The following GBP7 variants were observed in gnomAD, a reference collection of about 807,000 sequenced individuals.
The protein encoded by GBP7 is guanylate binding protein 7.
GBP7 carries 43 observed loss-of-function variants against 61.3 expected under a neutral mutation model. That is an observed-to-expected ratio of 0.70 (90% CI 0.55 to 0.91). The LOEUF (loss-of-function observed/expected upper bound fraction) is 0.91, where lower values mean the gene tolerates loss of function less well. GBP7 is among the 40% of genes least tolerant of loss of function. The pLI, the probability that GBP7 is intolerant of heterozygous loss-of-function variation, is 0.00. For synonymous variants in GBP7, 267 were observed against 271.0 expected, an observed-to-expected ratio of 0.99 and a Z score of 0.14; for missense variants, 717 against 740.5, an observed-to-expected ratio of 0.97 and a Z score of 0.37.
intron 7 of GBP7, among the ~76,000 whole-genome samples, chr1:89,149,079 C>T (rs1044691392): frequency 7.9e-5 from 12 of 151,970 alleles, no homozygotes; most frequent in African/African-American, 2.9e-4. Flanking sequence ...GTTAAATGTG[C>T]TACAATCATA....
intron 3 of GBP7, among the ~76,000 whole-genome samples, chr1:89,161,636 G>C (rs1570358668): frequency 6.6e-6 from 1 of 150,958 alleles, no homozygotes; most frequent in Non-Finnish European, 1.5e-5. Context: ...TTGTGTGTGT[G>C]AATTTGTTTA....
At chr1:89,156,228 A>G (rs1288502705) in intron 3 of GBP7, among the ~76,000 whole-genome samples, 2 of 152,250 alleles carry the variant, frequency 1.3e-5, no homozygotes, top group African/African-American at 2.4e-5. Flanking sequence ...AGGATCAGCC[A>G]GTATCAGCCA....
chr1:89,141,103 A>G (rs532671633), intron 9 of GBP7, among the ~76,000 whole-genome samples: 1 of 152,112 alleles, frequency 6.6e-6, no homozygotes, highest in East Asian at 1.9e-4. Context: ...TACTATGCTC[A>G]TTATCTGGGT....
intron 1 of GBP7, among the ~76,000 whole-genome samples, chr1:89,174,576 T>C (rs1375647224): frequency 2.6e-5 from 4 of 152,190 alleles, no homozygotes; most frequent in East Asian, 1.9e-4. Flanking sequence ...CTCTATACTT[T>C]GAAACATAGA....
intron 1 of GBP7, among the ~76,000 whole-genome samples, chr1:89,174,066 T>C (rs1361437948): frequency 2.0e-5 from 3 of 152,214 alleles, no homozygotes; most frequent in African/African-American, 4.8e-5. Flanking sequence ...CATCTGTTCA[T>C]AGAAAGCTTT....
At chr1:89,168,483 C>T (rs996271510) in intron 2 of GBP7, among the ~76,000 whole-genome samples, 5 of 152,068 alleles carry the variant, frequency 3.3e-5, no homozygotes, top group Non-Finnish European at 5.9e-5. Flanking sequence ...CAAAGCAAAA[C>T]GCAAACAAAA....
At chr1:89,150,676 G>T (rs185315517) in intron 5 of GBP7, 101 bp from the exon 6 acceptor site, 1 of 1,199,306 alleles carries the variant, frequency 8.3e-7, no homozygotes, top group Non-Finnish European at 1.2e-6. Context: ...ACAGTCTCTT[G>T]TGTCTGTGAA....
chr1:89,159,809 C>G (rs1682394982), intron 3 of GBP7, among the ~76,000 whole-genome samples: 1 of 152,186 alleles, frequency 6.6e-6, no homozygotes. Context: ...GTGGTGATTC[C>G]ACAAGGATCT....
chr1:89,152,550 T>C lies in GBP7; in HGVS notation c.429-86A>G. ...AACAAGTTTTATACACATTCCCTTT[T>C]GCACTGTTTCTCTTCTTACTCAACC... On this transcript the variant is annotated intron_variant, in intron 4 of 10. Coordinates refer to ENST00000294671, the MANE Select transcript of GBP7 (RefSeq NM_207398.3). 2.0e-6 allele frequency: 3 copies of C among 1,506,868 alleles called. No individual in the cohort carries two copies. The Admixed American group carries it at 5.3e-5, about 26-fold the overall frequency. 93.3% of individuals were successfully genotyped at this position (1,506,868 alleles called of 1,614,324 possible).
At chr1:89,160,675 A>T (rs1019401965) in intron 3 of GBP7, among the ~76,000 whole-genome samples, 5 of 152,244 alleles carry the variant, frequency 3.3e-5, no homozygotes, top group African/African-American at 1.2e-4. Context: ...AACTAAAATT[A>T]GAAATAGAGG....
intron 3 of GBP7, among the ~76,000 whole-genome samples, chr1:89,162,123 A>G (rs1217066775): frequency 1.3e-5 from 2 of 149,308 alleles, no homozygotes; most frequent in Non-Finnish European, 3.0e-5. Context: ...GTTCTGTTCC[A>G]TTGGTCTATG....
intron 9 of GBP7, among the ~76,000 whole-genome samples, chr1:89,140,704 A>G (rs1681919304): frequency 6.6e-6 from 1 of 152,192 alleles, no homozygotes; most frequent in African/African-American, 2.4e-5. Flanking sequence ...CTGCTTATAT[A>G]CCCAAAGGAA....
At chr1:89,135,727 C>A (rs1449581488) in intron 9 of GBP7, among the ~76,000 whole-genome samples, 1 of 152,118 alleles carries the variant, frequency 6.6e-6, no homozygotes, top group Non-Finnish European at 1.5e-5. Context: ...CATTATCAGC[C>A]ACTACAAAAG....
chr1:89,163,857 T>C (rs1481960580), intron 3 of GBP7, among the ~76,000 whole-genome samples: 2 of 151,768 alleles, frequency 1.3e-5, no homozygotes, highest in Non-Finnish European at 2.9e-5. Flanking sequence ...CTTTTTTTTT[T>C]GTTTTTTGTT....
At chr1:89,139,611 C>A (rs958050764) in intron 9 of GBP7, among the ~76,000 whole-genome samples, 133 of 152,046 alleles carry the variant, frequency 8.7e-4, no homozygotes, top group Non-Finnish European at 1.9e-3. Flanking sequence ...AAAAAACAAC[C>A]CCATCAAAAA....
chr1:89,144,750 C>T (rs774499766), intron 8 of GBP7, among the ~76,000 whole-genome samples: 1 of 152,064 alleles, frequency 6.6e-6, no homozygotes, highest in Non-Finnish European at 1.5e-5. Flanking sequence ...GTGGTGGGAA[C>T]ACAAGGGACC....
chr1:89,145,625 C>T (rs622102), intron 8 of GBP7, among the ~76,000 whole-genome samples: 112,398 of 152,034 alleles, frequency 0.74, 41,868 homozygotes, highest in African/African-American at 0.82. Context: ...ATAAATTCAG[C>T]AAAGTTGGAG....
chr1:89,166,757 G>A (rs1272102304), intron 2 of GBP7, among the ~76,000 whole-genome samples: 1 of 152,202 alleles, frequency 6.6e-6, no homozygotes, highest in Non-Finnish European at 1.5e-5. Context: ...AAAGGCTAAT[G>A]TTCTGAGGAC....
At chr1:89,151,128 T>C (rs1018717396) in intron 5 of GBP7, among the ~76,000 whole-genome samples, 1 of 152,194 alleles carries the variant, frequency 6.6e-6, no homozygotes, top group Non-Finnish European at 1.5e-5. Context: ...AGGATAGTTC[T>C]CCTGCAGTAT....
Sources: gnomAD v4.1 joint callset for allele counts (sites outside exome capture counted in the v4.1 genomes callset) on GRCh38, gnomAD v4.1.1 for gene constraint, MANE v1.5 for transcripts, NCBI Gene and HGNC (gene_info 2026-07-23, HGNC 2026-07-21) for gene names.